The following KCNH7 variants were observed in gnomAD, a reference collection of about 807,000 sequenced individuals.
KCNH7 encodes voltage-gated inwardly rectifying potassium channel KCNH7.
KCNH7 carries 49 observed loss-of-function variants against 120.8 expected under a neutral mutation model. That is an observed-to-expected ratio of 0.41 (90% CI 0.32 to 0.51). The LOEUF (loss-of-function observed/expected upper bound fraction) is 0.51. KCNH7 is among the 20% of genes least tolerant of loss of function. The pLI is 0.38. For missense variants in KCNH7, 1,097 were observed against 1,446.6 expected, an observed-to-expected ratio of 0.76 and a Z score of 3.92; for synonymous variants, 547 against 516.1, an observed-to-expected ratio of 1.06 and a Z score of -0.81.
chr2:162,818,318 C>G (rs1684987018), intron 2 of KCNH7, among the ~76,000 whole-genome samples: 1 of 151,830 alleles, frequency 6.6e-6, no homozygotes, highest in African/African-American at 2.4e-5. Flanking sequence ...TTTATTTATT[C>G]TCATATATTT....
chr2:162,402,920 G>A (rs2105449197), intron 9 of KCNH7, among the ~76,000 whole-genome samples: 1 of 151,992 alleles, frequency 6.6e-6, no homozygotes, highest in South Asian at 2.1e-4. Context: ...TGTTATATGA[G>A]CTATGGAATC....
chr2:162,452,361 T>G (rs1248540675), intron 6 of KCNH7, among the ~76,000 whole-genome samples: 1 of 152,118 alleles, frequency 6.6e-6, no homozygotes, highest in East Asian at 1.9e-4. Flanking sequence ...GAAATAGGTT[T>G]ACAAACATCA....
intron 2 of KCNH7, among the ~76,000 whole-genome samples, chr2:162,712,471 C>G (rs923263327): frequency 6.6e-6 from 1 of 152,150 alleles, no homozygotes; most frequent in African/African-American, 2.4e-5. Context: ...AAATAGCTGA[C>G]TTTCTGCTGC....
At chr2:162,439,680 G>T (rs1688359964) in intron 7 of KCNH7, among the ~76,000 whole-genome samples, 1 of 151,702 alleles carries the variant, frequency 6.6e-6, no homozygotes, top group Non-Finnish European at 1.5e-5. Flanking sequence ...TATTCATTTT[G>T]CTGGGTGGCT....
At chr2:162,768,215 T>C (rs1007998385) in intron 2 of KCNH7, among the ~76,000 whole-genome samples, 4 of 152,176 alleles carry the variant, frequency 2.6e-5, no homozygotes, top group Admixed American at 6.5e-5. Flanking sequence ...AATTAGTAAA[T>C]TGAAGGCTGA....
intron 6 of KCNH7, among the ~76,000 whole-genome samples, chr2:162,462,743 TCTGCAAATTCTCAGGC>T (rs2105610298): frequency 6.6e-6 from 1 of 152,156 alleles, no homozygotes; most frequent in African/African-American, 2.4e-5. Context: ...AGGTGTATGG[TCTGCAAATTCTCAGGC>T]CTGTGTTTTG....
chr2:162,404,744 T>A lies in KCNH7; in HGVS notation c.2155-4303A>T, dbSNP rs563016299. Among the ~76,000 whole-genome samples, 5 of 152,112 alleles carry A rather than the reference T, an allele frequency of 3.3e-5. No individual in the cohort carries two copies. The South Asian group carries it at 1.0e-3, about 31-fold the overall frequency. ...CCATAAGCCAATTAAACTTCTTTTA[T>A]TTATAAATTACCCAGTCTCAGGTAC... On this transcript the variant is annotated intron_variant, in intron 9 of 15. Transcript: ENST00000332142.
intron 2 of KCNH7, among the ~76,000 whole-genome samples, chr2:162,765,098 C>T (rs2105459107): frequency 6.6e-6 from 1 of 152,064 alleles, no homozygotes; most frequent in East Asian, 1.9e-4. Flanking sequence ...TACAAGAAGG[C>T]ACAAAACAGA....
chr2:162,527,844 T>G (rs1691766624), intron 3 of KCNH7: 1 of 152,034 alleles, frequency 6.6e-6, no homozygotes, highest in Admixed American at 6.6e-5. Flanking sequence ...TTAGGTTATT[T>G]CTTACATTTA....
intron 2 of KCNH7, chr2:162,784,698 C>T (rs1683635585): frequency 6.6e-6 from 1 of 152,094 alleles, no homozygotes; most frequent in Non-Finnish European, 1.5e-5. Flanking sequence ...TTGTCTTCAT[C>T]CACAAATAAA....
chr2:162,532,386 A>C (rs1691953494), intron 3 of KCNH7, among the ~76,000 whole-genome samples: 1 of 151,866 alleles, frequency 6.6e-6, no homozygotes, highest in Non-Finnish European at 1.5e-5. Context: ...TGGAGAGACA[A>C]TAGAAGGGGC....
At chr2:162,635,197 A>G (rs73028549) in intron 2 of KCNH7, among the ~76,000 whole-genome samples, 4,251 of 152,166 alleles carry the variant, frequency 0.028, 217 homozygotes, top group African/African-American at 0.098. Context: ...TATAATTTCA[A>G]TTCTCAGCAA....
chr2:162,557,289 A>C (rs1692889069), intron 2 of KCNH7, among the ~76,000 whole-genome samples: 1 of 152,236 alleles, frequency 6.6e-6, no homozygotes, highest in South Asian at 2.1e-4. Context: ...TTTTCAGAGA[A>C]TGATGCCTAA....
intron 2 of KCNH7, among the ~76,000 whole-genome samples, chr2:162,547,023 A>G (rs946110197): frequency 1.3e-5 from 2 of 152,072 alleles, no homozygotes; most frequent in Non-Finnish European, 2.9e-5. Flanking sequence ...AGGAGGTTTC[A>G]TTGACTCACA....
Position 162,435,383 on chromosome 2 carries a change from G to A in KCNH7, c.1769C>T (p.Ser590Phe). ...ACGTTTCCCAATTTGCTGTCCTAAG[G>A]AATCCAACCATCCGATTTTGTCAGT... ...YLTDKIGWLD[S>F]LGQQIGKRYN... The change falls in exon 8 of 16, where the codon TCC (serine) becomes TTC (phenylalanine). Residue 590 changes from serine (S) to phenylalanine (F), a missense_variant. Ser to Phe is a radical substitution (Grantham distance 155). This residue lies in a region of KCNH7 where 36 missense variants were observed against 46.8 expected (regional missense o/e 0.77). Coordinates refer to ENST00000332142, the MANE Select transcript of KCNH7 (RefSeq NM_033272.4). 3 of 1,613,748 alleles carry A rather than the reference G, an allele frequency of 1.9e-6. 1 individual carries two copies. Among genetic ancestry groups the A allele is most frequent in the Non-Finnish European group, 2.5e-6 (3 of 1,179,840 alleles).
chr2:162,507,429 C>G (rs1039273968), intron 5 of KCNH7, among the ~76,000 whole-genome samples: 4 of 151,444 alleles, frequency 2.6e-5, no homozygotes, highest in African/African-American at 9.7e-5. Context: ...AAAAATGAAA[C>G]ACTTGTAATT....
intron 2 of KCNH7, among the ~76,000 whole-genome samples, chr2:162,691,045 G>A (rs1307756130): frequency 1.3e-5 from 2 of 152,164 alleles, no homozygotes; most frequent in Admixed American, 1.3e-4. Flanking sequence ...ATCCATGAAT[G>A]ATAGGGACTG....
At chr2:162,558,389 T>C (rs1025508131) in intron 2 of KCNH7, among the ~76,000 whole-genome samples, 1 of 152,046 alleles carries the variant, frequency 6.6e-6, no homozygotes, top group East Asian at 1.9e-4. Flanking sequence ...TTAGCCAGGA[T>C]GGTCTCGATC....
At position 162,381,697 on chromosome 2, in the gene KCNH7, C is replaced by T. The variant is rs192562065; in HGVS notation, c.2963-1676G>A. Among the ~76,000 whole-genome samples, 451 of 152,134 alleles carry T rather than the reference C, an allele frequency of 3.0e-3. 3 individuals carry two copies. Among genetic ancestry groups the T allele is most frequent in the Non-Finnish European group, 3.0e-3 (205 of 67,960 alleles). On this transcript the variant is annotated intron_variant, in intron 13 of 15. Coordinates refer to ENST00000332142, the MANE Select transcript of KCNH7 (RefSeq NM_033272.4). ...ATTCCAGAAAGACTCTTCCTGATTA[C>T]GGCTTTTGTTCTTATTTAAAGAGGC... is the stretch of plus-strand genomic sequence containing the variant.
Sources: gnomAD v4.1 joint callset for allele counts (sites outside exome capture counted in the v4.1 genomes callset) on GRCh38, gnomAD v4.1.1 for gene constraint, gnomAD v4.1.1 regional missense constraint, MANE v1.5 for transcripts, NCBI Gene and HGNC (gene_info 2026-07-23, HGNC 2026-07-21) for gene names.